Variants in NAV3 observed in about 807,000 individuals in gnomAD.
NAV3 encodes the protein neuron navigator 3.
Under a neutral mutation model 244.7 loss-of-function variants are expected in NAV3, and 87 were observed. The ratio of observed to expected loss-of-function variants is 0.36; its 90% CI spans 0.30 to 0.42. The LOEUF (loss-of-function observed/expected upper bound fraction) is 0.42. Among genes scored for constraint, NAV3 ranks in the 20% least tolerant of loss-of-function variants. The probability of loss-of-function intolerance (pLI) is 1.00; values close to 1 mark genes in which losing one functional copy is unlikely to be tolerated. For synonymous variants in NAV3, 1,126 were observed against 1,042.2 expected (o/e 1.08, Z -1.55); for missense variants, 2,663 against 2,893.3 (o/e 0.92, Z 1.83).
At chr12:78,140,217 T>A (rs1956547550) in intron 19 of NAV3, 65 bp from the exon 20 acceptor site, 1 of 1,376,916 alleles carries the variant, frequency 7.3e-7, no homozygotes, top group East Asian at 2.3e-5. Context: ...ACTTTTTCTG[T>A]AAAGGCTGGA....
chr12:77,694,476 A>G (rs74321852), intron 2 of NAV3, among the ~76,000 whole-genome samples: 3 of 120,170 alleles, frequency 2.5e-5, no homozygotes, highest in Non-Finnish European at 5.0e-5. Context: ...CATCTCAATT[A>G]AAAAAAAAAA....
chr12:78,143,107 A>G (rs1250568824), intron 20 of NAV3, among the ~76,000 whole-genome samples: 1 of 152,182 alleles, frequency 6.6e-6, no homozygotes, highest in African/African-American at 2.4e-5. Flanking sequence ...AATAACTCTC[A>G]ATAGAGATTT....
intron 7 of NAV3, among the ~76,000 whole-genome samples, chr12:78,000,131 A>G (rs950867414): frequency 2.6e-5 from 4 of 152,220 alleles, no homozygotes; most frequent in Non-Finnish European, 4.4e-5. Flanking sequence ...ATGATATACA[A>G]GCATTAATAT....
intron 2 of NAV3, among the ~76,000 whole-genome samples, chr12:77,657,288 C>A (rs1873163974): frequency 6.6e-6 from 1 of 152,076 alleles, no homozygotes; most frequent in Admixed American, 6.6e-5. Flanking sequence ...ACCACCGATC[C>A]CACAGAAATA....
intron 24 of NAV3, among the ~76,000 whole-genome samples, chr12:78,169,371 G>A (rs1356765143): frequency 6.6e-6 from 1 of 151,618 alleles, no homozygotes; most frequent in African/African-American, 2.4e-5. Context: ...AAAAACAACG[G>A]GTGAAAGGTA....
At chr12:78,133,380 C>A (rs983265825) in intron 18 of NAV3, among the ~76,000 whole-genome samples, 2 of 150,968 alleles carry the variant, frequency 1.3e-5, no homozygotes, top group African/African-American at 4.9e-5. Context: ...ATTAAAGTTA[C>A]TTTATTATTA....
intron 2 of NAV3, among the ~76,000 whole-genome samples, chr12:77,755,009 C>T (rs78991445): frequency 0.025 from 3,850 of 152,198 alleles, 175 homozygotes; most frequent in African/African-American, 0.088. Flanking sequence ...TTATCAATAT[C>T]GGGAAAAGTT....
chr12:77,872,141 T>C (rs1881064567), intron 1 of NAV3, among the ~76,000 whole-genome samples: 1 of 152,218 alleles, frequency 6.6e-6, no homozygotes, highest in East Asian at 1.9e-4. Flanking sequence ...GGTTGTGTTT[T>C]TTTTCTTGTA....
At chr12:78,042,837 G>A (rs1348265882) in intron 9 of NAV3, among the ~76,000 whole-genome samples, 1 of 151,986 alleles carries the variant, frequency 6.6e-6, no homozygotes, top group African/African-American at 2.4e-5. Context: ...TTATTCCCCA[G>A]ATTCCAAATG....
chr12:78,128,892 T>C (rs780180156), intron 18 of NAV3, 26 bp downstream of exon 18: 1 of 1,606,246 alleles, frequency 6.2e-7, no homozygotes, highest in Non-Finnish European at 8.5e-7. Context: ...ATATTGATTT[T>C]GTTTTGTTTC....
chr12:78,210,714 A>T lies in NAV3; in HGVS notation c.*197A>T. 3 of 602,622 alleles carry T rather than the reference A, an allele frequency of 5.0e-6. No individual in the cohort carries two copies. Among genetic ancestry groups the T allele is most frequent in the Non-Finnish European group, 8.6e-6 (3 of 347,198 alleles). The allele number at this position is 602,622 out of a possible 1,614,324, so 37.3% of individuals were successfully genotyped here. A position where few individuals can be genotyped will look rare whatever the true frequency, so the allele number is the denominator to read the frequency against. On this transcript the variant is annotated 3_prime_UTR_variant, in exon 40 of 40. Coordinates refer to ENST00000397909, the MANE Select transcript of NAV3 (RefSeq NM_001024383.2). ...TGCAATGGAAGCTTAACTTTAGTTT[A>T]TTTCTAAGCATTTTTTATATCTGTG...
At chr12:77,745,005 A>G (rs2137414870) in intron 2 of NAV3, among the ~76,000 whole-genome samples, 1 of 152,088 alleles carries the variant, frequency 6.6e-6, no homozygotes, top group African/African-American at 2.4e-5. Context: ...TGCATTTCAA[A>G]GGGTAAGCCA....
chr12:77,974,899 CT>C (rs1868276351), intron 5 of NAV3, among the ~76,000 whole-genome samples: 1 of 152,168 alleles, frequency 6.6e-6, no homozygotes, highest in Non-Finnish European at 1.5e-5. Flanking sequence ...ATCTTCCCTT[CT>C]TTCACTTGAA....
chr12:77,755,439 C>G (rs1292461152), intron 2 of NAV3, among the ~76,000 whole-genome samples: 2 of 151,614 alleles, frequency 1.3e-5, no homozygotes, highest in Non-Finnish European at 2.9e-5. Flanking sequence ...ATGGGATCTT[C>G]TTTTCTTTTC....
In NAV3 at chr12:78,137,286, T is replaced by C; in HGVS notation, c.4551T>C (p.Leu1517=). 1.9e-6 allele frequency: 3 copies of C among 1,613,778 alleles called. No individual in the cohort carries two copies. The highest frequency in any genetic ancestry group is 2.5e-6 in the Non-Finnish European group (3 of 1,179,790). The change falls in exon 19 of 40, where the codon CTT becomes CTC. Residue 1517 remains leucine, a synonymous_variant. Transcript: ENST00000397909. ...TCGATCTCTATGATGACTCCCAGCT[T>C]TGTGGGAGTGCCACTTCTCTGGAGG... ...SSFDLYDDSQ[L]CGSATSLEER...
At chr12:78,176,892 T>C (rs1015076959) in intron 26 of NAV3, among the ~76,000 whole-genome samples, 4 of 152,134 alleles carry the variant, frequency 2.6e-5, no homozygotes, top group Non-Finnish European at 5.9e-5. Context: ...CTGACAGCCA[T>C]GCCCTTGACC....
chr12:77,650,678 T>C (rs1872783487), intron 2 of NAV3, among the ~76,000 whole-genome samples: 1 of 152,116 alleles, frequency 6.6e-6, no homozygotes, highest in East Asian at 1.9e-4. Context: ...ATAAAATTCA[T>C]TTTTGTAAAT....
intron 2 of NAV3, among the ~76,000 whole-genome samples, chr12:77,748,007 C>A (rs1040393094): frequency 6.6e-6 from 1 of 151,972 alleles, no homozygotes; most frequent in Non-Finnish European, 1.5e-5. Context: ...ACGTTGTGCA[C>A]GTGTACCCTA....
chr12:78,203,926 G>A (rs1960012148), intron 38 of NAV3, among the ~76,000 whole-genome samples: 1 of 149,202 alleles, frequency 6.7e-6, no homozygotes, highest in East Asian at 2.0e-4. Flanking sequence ...GCTTAAAAAT[G>A]TTTAACATCT....
Sources: gnomAD v4.1 joint callset for allele counts (sites outside exome capture counted in the v4.1 genomes callset) on GRCh38, gnomAD v4.1.1 for gene constraint, MANE v1.5 for transcripts, NCBI Gene and HGNC (gene_info 2026-07-23, HGNC 2026-07-21) for gene names.